Variants in TRPM3 observed in about 807,000 individuals in gnomAD.
The protein encoded by TRPM3 is transient receptor potential cation channel subfamily M member 3.
TRPM3 carries 77 observed loss-of-function variants against 181.2 expected under a neutral mutation model. The observed-to-expected ratio is 0.42, with a 90% CI of 0.35 to 0.51. The LOEUF is 0.51. TRPM3 is among the 20% of genes least tolerant of loss of function. The pLI is 0.01. For missense variants in TRPM3, 1,759 were observed against 2,196.7 expected (o/e 0.80, Z 3.98); for synonymous variants, 745 against 796.4 (o/e 0.94, Z 1.09).
chr9:70,797,541 T>C (rs1490106852), intron 6 of TRPM3, among the ~76,000 whole-genome samples: 1 of 152,200 alleles, frequency 6.6e-6, no homozygotes, highest in African/African-American at 2.4e-5. Flanking sequence ...CAGAGCTCTC[T>C]CTCTACCTGA....
At chr9:71,357,228 A>G (rs556912218) in intron 1 of TRPM3, among the ~76,000 whole-genome samples, 13 of 152,318 alleles carry the variant, frequency 8.5e-5, no homozygotes, top group East Asian at 7.7e-4. Context: ...TTCTTGCTGC[A>G]GTATCAGTAC....
rs771510760 is a variant in TRPM3, at chr9:70,536,672, T to A, written c.4441A>T (p.Thr1481Ser). Reference sequence around the variant, plus strand: ...GTGTAGTCTGAAGAAAAAGATCTAGTGTCCATGGAGGTGATGTCCTCAAAA... The same window carrying A: ...GTGTAGTCTGAAGAAAAAGATCTAGAGTCCATGGAGGTGATGTCCTCAAAA... ...IDFEDITSMD[T>S]RSFSSDYTHL... The change falls in exon 26 of 26, where the codon ACT becomes TCT. Residue 1481 changes from threonine to serine, a missense_variant. Coordinates refer to ENST00000677713, the MANE Select transcript of TRPM3 (RefSeq NM_001366145.2). 3 of 1,613,924 alleles carry A rather than the reference T, an allele frequency of 1.9e-6. No individual in the cohort carries two copies. Among genetic ancestry groups the A allele is most frequent in the African/African-American group, 2.7e-5 (2 of 74,858 alleles).
At chr9:71,120,337 A>G (rs75585320) in intron 1 of TRPM3, among the ~76,000 whole-genome samples, 4,118 of 152,286 alleles carry the variant, frequency 0.027, 81 homozygotes, top group Non-Finnish European at 0.042. Flanking sequence ...ACTGGGCAAA[A>G]ATGCTTGTTT....
At chr9:71,232,017 G>C (rs754375419) in intron 1 of TRPM3, among the ~76,000 whole-genome samples, 2 of 152,184 alleles carry the variant, frequency 1.3e-5, no homozygotes, top group African/African-American at 2.4e-5. Context: ...TGAACTCAAA[G>C]TACTCCAAAG....
At chr9:71,180,852 A>AG (rs1230933700) in intron 1 of TRPM3, among the ~76,000 whole-genome samples, 2 of 152,140 alleles carry the variant, frequency 1.3e-5, no homozygotes, top group Non-Finnish European at 2.9e-5. Flanking sequence ...TATTGAAGAG[A>AG]GGCTCCTCAC....
At chr9:70,634,026 G>A (rs979133192) in intron 12 of TRPM3, among the ~76,000 whole-genome samples, 15 of 152,146 alleles carry the variant, frequency 9.9e-5, no homozygotes, top group Non-Finnish European at 2.9e-5. Context: ...TGGGGCAAAA[G>A]AACAACCACT....
At chr9:71,046,052 T>A (rs1423236376) in intron 1 of TRPM3, among the ~76,000 whole-genome samples, 1 of 151,762 alleles carries the variant, frequency 6.6e-6, no homozygotes, top group African/African-American at 2.4e-5. Flanking sequence ...TGGCGCAATC[T>A]TGGCTCACGA....
At chr9:71,392,664 A>C (rs910062273) in intron 1 of TRPM3, among the ~76,000 whole-genome samples, 2 of 152,076 alleles carry the variant, frequency 1.3e-5, no homozygotes, top group African/African-American at 4.8e-5. Context: ...AGATTTAGTA[A>C]AACTTTGTCT....
At chr9:70,917,265 A>G in intron 1 of TRPM3, 1 of 1,494,914 alleles carries the variant, frequency 6.7e-7, no homozygotes, top group Non-Finnish European at 9.3e-7. Flanking sequence ...ATAAACACCA[A>G]TTCAGCATAG....
At chr9:70,621,008 T>G (rs773665291) in intron 15 of TRPM3, among the ~76,000 whole-genome samples, 4 of 146,804 alleles carry the variant, frequency 2.7e-5, no homozygotes, top group Non-Finnish European at 6.0e-5. Flanking sequence ...TTATGACACA[T>G]TATATATATA....
chr9:70,588,614 G>A (rs533086964), intron 22 of TRPM3, among the ~76,000 whole-genome samples: 32 of 152,288 alleles, frequency 2.1e-4, no homozygotes, highest in African/African-American at 7.5e-4. Context: ...AGGGCTGTGG[G>A]TCCAGGCGGA....
chr9:70,621,350 A>ATATT, intron 14 of TRPM3, 77 bp from the exon 15 acceptor site: 1 of 1,146,740 alleles, frequency 8.7e-7, no homozygotes, highest in Non-Finnish European at 1.2e-6. Context: ...GTCCTATTAT[A>ATATT]TATTTTTTGT....
intron 1 of TRPM3, among the ~76,000 whole-genome samples, chr9:71,112,012 T>C (rs1682789627): frequency 6.6e-6 from 1 of 152,202 alleles, no homozygotes; most frequent in African/African-American, 2.4e-5. Flanking sequence ...TAAAATAACC[T>C]ATGACTAACA....
At chr9:71,179,935 C>T (rs546522695) in intron 1 of TRPM3, among the ~76,000 whole-genome samples, 26 of 152,076 alleles carry the variant, frequency 1.7e-4, no homozygotes, top group African/African-American at 6.3e-4. Context: ...ATGCTGGTGT[C>T]CATCACTGGA....
intron 1 of TRPM3, among the ~76,000 whole-genome samples, chr9:71,341,580 T>A (rs938180740): frequency 1.3e-5 from 2 of 151,836 alleles, no homozygotes; most frequent in Non-Finnish European, 2.9e-5. Flanking sequence ...AGGATATATA[T>A]TGAATGCTCA....
intron 1 of TRPM3, among the ~76,000 whole-genome samples, chr9:70,949,201 A>T (rs1471644740): frequency 7.2e-6 from 1 of 139,354 alleles, no homozygotes; most frequent in Non-Finnish European, 1.6e-5. Flanking sequence ...TGGGTGGAAC[A>T]GTAGTCTTTT....
chr9:71,063,272 G>C (rs947485340), intron 1 of TRPM3, among the ~76,000 whole-genome samples: 1 of 152,088 alleles, frequency 6.6e-6, no homozygotes, highest in Non-Finnish European at 1.5e-5. Context: ...TCCTATGCAG[G>C]TGCTCCTTGA....
chr9:70,801,963 C>G (rs2089226722), intron 6 of TRPM3, among the ~76,000 whole-genome samples: 1 of 152,174 alleles, frequency 6.6e-6, no homozygotes, highest in African/African-American at 2.4e-5. Context: ...CATCAGAATT[C>G]CCTGAAGGAG....
At chr9:71,376,187 AATG>A (rs1391850226) in intron 1 of TRPM3, among the ~76,000 whole-genome samples, 2 of 151,966 alleles carry the variant, frequency 1.3e-5, no homozygotes, top group African/African-American at 4.8e-5. Flanking sequence ...AAGTCACAAA[AATG>A]ATGAGATATA....
Sources: gnomAD v4.1 joint callset for allele counts (sites outside exome capture counted in the v4.1 genomes callset) on GRCh38, gnomAD v4.1.1 for gene constraint, MANE v1.5 for transcripts, NCBI Gene and HGNC (gene_info 2026-07-23, HGNC 2026-07-21) for gene names.